Variants in GSTCD observed in about 807,000 individuals in gnomAD.
GSTCD encodes the protein glutathione S-transferase C-terminal domain containing.
A neutral mutation model predicts 68.3 loss-of-function variants in GSTCD; 44 were observed. The ratio of observed to expected loss-of-function variants is 0.64; its 90% CI spans 0.51 to 0.83. The LOEUF is 0.83. Ranked by LOEUF, GSTCD falls within the 40% of genes least tolerant of loss-of-function variation. The probability of loss-of-function intolerance (pLI) is 0.00; values close to 1 mark genes in which losing one functional copy is unlikely to be tolerated. For missense variants in GSTCD, 739 were observed against 735.9 expected, an observed-to-expected ratio of 1.00 and a Z score of -0.05; for synonymous variants, 273 against 255.2, an observed-to-expected ratio of 1.07 and a Z score of -0.67.
chr4:105,727,473 C>T (rs1172793162), intron 4 of GSTCD, among the ~76,000 whole-genome samples: 8 of 149,504 alleles, frequency 5.4e-5, no homozygotes, highest in Non-Finnish European at 3.0e-5. Flanking sequence ...TTCAGTGGGC[C>T]GAGATTGTAC....
At chr4:105,736,874 T>G (rs1733480557) in intron 5 of GSTCD, among the ~76,000 whole-genome samples, 1 of 152,162 alleles carries the variant, frequency 6.6e-6, no homozygotes, top group African/African-American at 2.4e-5. Context: ...TAACATAATT[T>G]CCTCCAAGCT....
At chr4:105,824,623 T>A (rs1578512190) in intron 7 of GSTCD, among the ~76,000 whole-genome samples, 1 of 152,324 alleles carries the variant, frequency 6.6e-6, no homozygotes. Flanking sequence ...TCTGCCTAGA[T>A]TATCACTGGA....
chr4:105,814,995 T>C (rs1722915831), intron 5 of GSTCD: 2 of 152,230 alleles, frequency 1.3e-5, no homozygotes, highest in South Asian at 4.1e-4. Context: ...CCATTCTCTA[T>C]TTTGGTTATT....
chr4:105,726,102 T>G (rs192518905), intron 3 of GSTCD, among the ~76,000 whole-genome samples: 1 of 152,282 alleles, frequency 6.6e-6, no homozygotes, highest in East Asian at 1.9e-4. Context: ...ACATTATTTA[T>G]AATAACCAAC....
intron 6 of GSTCD, 40 bp from the exon 7 acceptor site, chr4:105,823,191 G>A: frequency 6.2e-7 from 1 of 1,610,802 alleles, no homozygotes; most frequent in Non-Finnish European, 8.5e-7. Flanking sequence ...AAAAGCTGTG[G>A]GGACCAAAGC....
intron 5 of GSTCD, among the ~76,000 whole-genome samples, chr4:105,782,098 A>G (rs1183072827): frequency 6.6e-6 from 1 of 152,214 alleles, no homozygotes; most frequent in Non-Finnish European, 1.5e-5. Flanking sequence ...TCTGAATGCC[A>G]CTGGCAAAAC....
At chr4:105,823,439 T>C in intron 7 of GSTCD, 164 bp downstream of exon 7, 1 of 496,662 alleles carries the variant, frequency 2.0e-6, no homozygotes, top group Non-Finnish European at 3.5e-6. Context: ...ACTCAGAATC[T>C]TAAGGAAAAA....
chr4:105,724,623 C>T (rs981615541), intron 3 of GSTCD, among the ~76,000 whole-genome samples: 3 of 151,394 alleles, frequency 2.0e-5, no homozygotes, highest in Admixed American at 6.6e-5. Context: ...GGTAGTTTCA[C>T]AAACACAAAA....
chr4:105,772,978 G>T (rs931962885), intron 5 of GSTCD, among the ~76,000 whole-genome samples: 1 of 152,046 alleles, frequency 6.6e-6, no homozygotes, highest in Admixed American at 6.6e-5. Flanking sequence ...CTGTGAATCT[G>T]TCTGGTCCTG....
At chr4:105,763,974 GT>G (rs1482931785) in intron 5 of GSTCD, among the ~76,000 whole-genome samples, 1 of 151,718 alleles carries the variant, frequency 6.6e-6, no homozygotes, top group East Asian at 1.9e-4. Flanking sequence ...CAGAATCATT[GT>G]TTGGATTTGT....
At chr4:105,821,689 T>C in intron 5 of GSTCD, among the ~76,000 whole-genome samples, 1 of 151,912 alleles carries the variant, frequency 6.6e-6, no homozygotes, top group Non-Finnish European at 1.5e-5. Context: ...CATTAAAATA[T>C]ATAGATAGGA....
chr4:105,740,115 A>G (rs1410743488), intron 5 of GSTCD, among the ~76,000 whole-genome samples: 2 of 152,090 alleles, frequency 1.3e-5, no homozygotes, highest in African/African-American at 2.4e-5. Context: ...CTCCAACATT[A>G]GTTCCAGTTT....
At chr4:105,810,296 A>G (rs768357186) in intron 5 of GSTCD, among the ~76,000 whole-genome samples, 1 of 152,098 alleles carries the variant, frequency 6.6e-6, no homozygotes, top group African/African-American at 2.4e-5. Context: ...TGGGATTTAA[A>G]TAATAGGAAG....
At chr4:105,841,858 A>G (rs1411754984) in intron 10 of GSTCD, among the ~76,000 whole-genome samples, 2 of 152,150 alleles carry the variant, frequency 1.3e-5, no homozygotes, top group Non-Finnish European at 2.9e-5. Context: ...AAACAAAACA[A>G]AAAAATACAG....
intron 5 of GSTCD, among the ~76,000 whole-genome samples, chr4:105,780,360 T>C (rs1165851490): frequency 6.6e-6 from 1 of 152,230 alleles, no homozygotes; most frequent in Non-Finnish European, 1.5e-5. Flanking sequence ...AGGCCTCTTT[T>C]TATAATGCTC....
intron 11 of GSTCD, among the ~76,000 whole-genome samples, chr4:105,842,658 C>G (rs1023930557): frequency 2.0e-5 from 3 of 152,156 alleles, no homozygotes; most frequent in African/African-American, 7.2e-5. Context: ...GAAGACATCA[C>G]TTTAGAAAAA....
At chr4:105,749,173 GA>G (rs1244965661) in intron 5 of GSTCD, among the ~76,000 whole-genome samples, 5 of 34,048 alleles carry the variant, frequency 1.5e-4, no homozygotes, top group East Asian at 2.4e-3. Context: ...GGTTTAATTA[GA>G]AAAAAAGAAA....
intron 5 of GSTCD, among the ~76,000 whole-genome samples, chr4:105,763,351 A>G (rs1475614717): frequency 1.3e-5 from 2 of 152,224 alleles, no homozygotes; most frequent in East Asian, 3.8e-4. Flanking sequence ...TAACATTTAC[A>G]AAGTGTTTAG....
intron 5 of GSTCD, among the ~76,000 whole-genome samples, chr4:105,732,164 T>C (rs141597194): frequency 0.012 from 1,859 of 152,324 alleles, 50 homozygotes; most frequent in African/African-American, 0.043. Flanking sequence ...TTTTTTGTTG[T>C]GTTTCTGCCA....
Sources: allele counts gnomAD v4.1 joint callset (sites outside exome capture counted in the v4.1 genomes callset), GRCh38; gene constraint gnomAD v4.1.1; transcripts MANE v1.5; gene names NCBI Gene and HGNC (gene_info 2026-07-23, HGNC 2026-07-21).